Variants in ZNF385D observed in about 807,000 individuals in gnomAD.
The protein encoded by ZNF385D is zinc finger protein 385D.
A neutral mutation model predicts 35.8 loss-of-function variants in ZNF385D; 15 were observed. That is an observed-to-expected ratio of 0.42 (90% CI 0.28 to 0.64). The LOEUF (loss-of-function observed/expected upper bound fraction) is 0.64, where lower values mean the gene tolerates loss of function less well. Among genes scored for constraint, ZNF385D ranks in the 30% least tolerant of loss-of-function variants. The pLI is 0.23. For synonymous variants in ZNF385D, 212 were observed against 186.8 expected, an observed-to-expected ratio of 1.13 and a Z score of -1.10; for missense variants, 474 against 494.6, an observed-to-expected ratio of 0.96 and a Z score of 0.39.
chr3:21,455,706 A>G (rs771580495), intron 4 of ZNF385D, among the ~76,000 whole-genome samples: 5,040 of 145,926 alleles, frequency 0.035, no homozygotes, highest in African/African-American at 0.13. Context: ...AAAACACCAA[A>G]AGCAATGGCA....
intron 3 of ZNF385D, among the ~76,000 whole-genome samples, chr3:21,818,420 T>C (rs983754314): frequency 4.6e-5 from 7 of 152,196 alleles, no homozygotes; most frequent in Admixed American, 3.9e-4. Flanking sequence ...GAAAAATATA[T>C]TAATGAGACA....
chr3:21,991,028 C>G (rs1354547489), intron 3 of ZNF385D, among the ~76,000 whole-genome samples: 1 of 152,036 alleles, frequency 6.6e-6, no homozygotes, highest in Non-Finnish European at 1.5e-5. Context: ...TGGTTTGTTA[C>G]GGAGGTATAA....
At chr3:21,469,063 T>G (rs1380629729) in intron 4 of ZNF385D, among the ~76,000 whole-genome samples, 1 of 152,202 alleles carries the variant, frequency 6.6e-6, no homozygotes, top group African/African-American at 2.4e-5. Flanking sequence ...GAGTAAAATT[T>G]CTAGGGTGAT....
intron 2 of ZNF385D, among the ~76,000 whole-genome samples, chr3:22,337,232 A>G (rs1331092540): frequency 2.0e-5 from 3 of 152,046 alleles, no homozygotes; most frequent in Admixed American, 6.6e-5. Flanking sequence ...CATCAAAACA[A>G]ATGCAGTTAA....
chr3:22,073,390 G>A (rs1700320021), intron 3 of ZNF385D, among the ~76,000 whole-genome samples: 3 of 150,932 alleles, frequency 2.0e-5, no homozygotes, highest in Middle Eastern at 3.4e-3. Flanking sequence ...TGGGTGAGAG[G>A]GTAAAATGTC....
At chr3:22,273,466 C>T (rs1701277959) in intron 2 of ZNF385D, among the ~76,000 whole-genome samples, 1 of 151,818 alleles carries the variant, frequency 6.6e-6, no homozygotes, top group South Asian at 2.1e-4. Flanking sequence ...CTACTGGTAT[C>T]GAATGGGTAG....
intron 2 of ZNF385D, among the ~76,000 whole-genome samples, chr3:22,177,002 T>G (rs1694876588): frequency 6.6e-6 from 1 of 152,200 alleles, no homozygotes; most frequent in Non-Finnish European, 1.5e-5. Flanking sequence ...TTACATTTTT[T>G]TAGCCAACAG....
chr3:21,770,240 G>T (rs2071018526), intron 3 of ZNF385D, among the ~76,000 whole-genome samples: 1 of 152,100 alleles, frequency 6.6e-6, no homozygotes, highest in African/African-American at 2.4e-5. Flanking sequence ...TGACAAATGG[G>T]ATCTAATTAA....
chr3:21,417,963 A>G lies in ZNF385D; in HGVS notation c.*3251T>C, dbSNP rs533379382. 5.9e-5 allele frequency: 9 copies of G among 152,244 alleles called. No individual in the cohort carries two copies. Among genetic ancestry groups the G allele is most frequent in the African/African-American group, 2.2e-4 (9 of 41,556 alleles). 9.4% of individuals were successfully genotyped at this position (152,244 alleles called of 1,614,324 possible). A position where few individuals can be genotyped will look rare whatever the true frequency, so the allele number is the denominator to read the frequency against. ...AAAGCCAAGTATGTTTGCTTATGTG[A>G]ATAAAAAAAGTACTCTTCAAAGTTG... is the stretch of plus-strand genomic sequence containing the variant. On this transcript the variant is annotated 3_prime_UTR_variant, in exon 8 of 8. Transcript: ENST00000281523.
chr3:21,488,681 T>C (rs192469414), intron 4 of ZNF385D, among the ~76,000 whole-genome samples: 10 of 152,186 alleles, frequency 6.6e-5, no homozygotes, highest in Non-Finnish European at 1.3e-4. Context: ...TCCATTGTAA[T>C]AGCTCTGTAG....
chr3:21,541,461 T>C (rs1270538809), intron 3 of ZNF385D, among the ~76,000 whole-genome samples: 1 of 152,170 alleles, frequency 6.6e-6, no homozygotes. Flanking sequence ...ACAATTACTC[T>C]AGTTAATACA....
intron 2 of ZNF385D, among the ~76,000 whole-genome samples, chr3:22,342,079 T>C (rs7619364): frequency 0.29 from 44,256 of 151,480 alleles, 6,983 homozygotes; most frequent in African/African-American, 0.37. Context: ...ATCGAGACCA[T>C]CCTGGCTAAC....
intron 1 of ZNF385D, among the ~76,000 whole-genome samples, chr3:21,717,782 C>A (rs1290710676): frequency 1.3e-5 from 2 of 152,174 alleles, no homozygotes; most frequent in African/African-American, 4.8e-5. Context: ...GTGCCTTTCA[C>A]CTTCTGCCAT....
intron 3 of ZNF385D, among the ~76,000 whole-genome samples, chr3:22,089,360 G>C (rs1032983714): frequency 6.6e-6 from 1 of 152,148 alleles, no homozygotes; most frequent in Non-Finnish European, 1.5e-5. Context: ...TCATTATTCA[G>C]TAATAATGTT....
intron 2 of ZNF385D, among the ~76,000 whole-genome samples, chr3:21,634,680 T>C: frequency 6.6e-6 from 1 of 152,194 alleles, no homozygotes; most frequent in Middle Eastern, 3.4e-3. Context: ...ATAACGTTCC[T>C]GGTAAATTGC....
chr3:21,982,700 G>T (rs1334543679), intron 3 of ZNF385D, among the ~76,000 whole-genome samples: 3 of 152,088 alleles, frequency 2.0e-5, no homozygotes, highest in African/African-American at 2.4e-5. Flanking sequence ...TGCCTATTCA[G>T]TATAACATTG....
chr3:21,988,921 G>A (rs1335316587), intron 3 of ZNF385D, among the ~76,000 whole-genome samples: 2 of 152,166 alleles, frequency 1.3e-5, no homozygotes, highest in Non-Finnish European at 2.9e-5. Flanking sequence ...GGGTGGGAGT[G>A]ACCCGATTTT....
intron 2 of ZNF385D, among the ~76,000 whole-genome samples, chr3:22,308,852 C>G (rs1467940951): frequency 1.3e-5 from 2 of 151,972 alleles, no homozygotes; most frequent in African/African-American, 4.8e-5. Flanking sequence ...CAATTTTTTT[C>G]TCAGCAACAG....
At chr3:21,675,363 C>T (rs999585745) in intron 1 of ZNF385D, among the ~76,000 whole-genome samples, 1 of 152,024 alleles carries the variant, frequency 6.6e-6, no homozygotes, top group African/African-American at 2.4e-5. Context: ...ATTATTTCTG[C>T]TTCCATACAC....
Sources: gnomAD v4.1 joint callset for allele counts (sites outside exome capture counted in the v4.1 genomes callset) on GRCh38, gnomAD v4.1.1 for gene constraint, MANE v1.5 for transcripts, NCBI Gene and HGNC (gene_info 2026-07-23, HGNC 2026-07-21) for gene names.